Variants in IQUB observed in about 807,000 individuals in gnomAD.
IQUB encodes the protein IQ motif and ubiquitin domain containing.
Under a neutral mutation model 86.4 loss-of-function variants are expected in IQUB, and 86 were observed. That is an observed-to-expected ratio of 1.00 (90% CI 0.84 to 1.19). The LOEUF (loss-of-function observed/expected upper bound fraction) is 1.19. IQUB is among the 50% of genes most tolerant of loss of function. The probability of loss-of-function intolerance (pLI) is 0.00; values close to 1 mark genes in which losing one functional copy is unlikely to be tolerated. For synonymous variants in IQUB, 289 were observed against 304.5 expected (o/e 0.95, Z 0.53); for missense variants, 946 against 916.9 (o/e 1.03, Z -0.41).
At chr7:123,491,118 C>G (rs931856196) in intron 7 of IQUB, among the ~76,000 whole-genome samples, 8 of 151,994 alleles carry the variant, frequency 5.3e-5, no homozygotes, top group African/African-American at 1.2e-4. Context: ...TCTAAGTATC[C>G]CATGGGTCAA....
At chr7:123,455,595 T>C (rs1450155149) in intron 12 of IQUB, among the ~76,000 whole-genome samples, 1 of 152,140 alleles carries the variant, frequency 6.6e-6, no homozygotes, top group Non-Finnish European at 1.5e-5. Context: ...GATACCATTA[T>C]CTCTTTTTTA....
intron 12 of IQUB, chr7:123,457,032 A>G: frequency 3.6e-6 from 1 of 279,616 alleles, no homozygotes; most frequent in Non-Finnish European, 5.4e-6. Context: ...AATACTTATA[A>G]ACTCCATTCT....
At chr7:123,524,642 G>A (rs1051391396) in intron 1 of IQUB, among the ~76,000 whole-genome samples, 1 of 151,272 alleles carries the variant, frequency 6.6e-6, no homozygotes, top group Non-Finnish European at 1.5e-5. Flanking sequence ...CATGTCGTCT[G>A]CAAACAGGGA....
chr7:123,500,578 G>A (rs529182870), intron 6 of IQUB, among the ~76,000 whole-genome samples: 20 of 152,056 alleles, frequency 1.3e-4, no homozygotes, highest in Admixed American at 1.2e-3. Context: ...CATGACCCAA[G>A]TAGAAAGGAA....
chr7:123,472,052 A>C (rs1034131974), intron 8 of IQUB, among the ~76,000 whole-genome samples: 1 of 152,102 alleles, frequency 6.6e-6, no homozygotes. Context: ...AGCCTGGCCA[A>C]CACGGTGATA....
intron 9 of IQUB, among the ~76,000 whole-genome samples, chr7:123,468,489 T>C (rs980949310): frequency 2.6e-5 from 4 of 152,126 alleles, no homozygotes; most frequent in Non-Finnish European, 4.4e-5. Context: ...TGCTCTCTAT[T>C]AAAGAAAGTT....
intron 9 of IQUB, among the ~76,000 whole-genome samples, chr7:123,465,788 G>C (rs1394901919): frequency 6.6e-6 from 1 of 151,974 alleles, no homozygotes; most frequent in Admixed American, 6.6e-5. Flanking sequence ...TGACCTGGAG[G>C]CACTTTAGAA....
chr7:123,469,536 T>A (rs1794433645), intron 8 of IQUB, 152 bp from the exon 9 acceptor site: 1 of 456,662 alleles, frequency 2.2e-6, no homozygotes, highest in East Asian at 3.4e-5. Context: ...AATTTGCAGA[T>A]CAGGCAAAAG....
At chr7:123,480,045 T>A (rs1304034015) in intron 7 of IQUB, 75 bp from the exon 8 acceptor site, 1 of 1,114,432 alleles carries the variant, frequency 9.0e-7, no homozygotes. Context: ...ATGAGGAGTA[T>A]TTTATTTTTA....
chr7:123,453,509 C>G (rs1793547565), intron 12 of IQUB, among the ~76,000 whole-genome samples: 1 of 151,434 alleles, frequency 6.6e-6, no homozygotes, highest in African/African-American at 2.4e-5. Context: ...ACTCACCTAT[C>G]AAGCACCTCT....
intron 1 of IQUB, among the ~76,000 whole-genome samples, chr7:123,525,356 T>C (rs1162192113): frequency 6.6e-6 from 1 of 152,166 alleles, no homozygotes; most frequent in Non-Finnish European, 1.5e-5. Flanking sequence ...TGGTAAGCTA[T>C]TGATTATTGC....
Position 123,469,430 on chromosome 7 carries a change from A to G in IQUB, c.1411-46T>C, listed in dbSNP as rs781052393. On this transcript the variant is annotated intron_variant, in intron 8 of 12. Transcript: ENST00000324698. ...TATAATTATCAGTTAATTAGAAACTACGTATAACAATTTTGCTCCTTCTAC... is the reference window on the plus strand; with the variant it reads ...TATAATTATCAGTTAATTAGAAACTGCGTATAACAATTTTGCTCCTTCTAC... The G allele has an allele frequency of 3.4e-6, 4 of 1,167,094 alleles. No homozygotes were observed. The Admixed American group carries it at 8.0e-5, about 23-fold the overall frequency. 72.3% of individuals were successfully genotyped at this position (1,167,094 alleles called of 1,614,324 possible).
At position 123,527,690 on chromosome 7, in the gene IQUB, G is replaced by A. The variant is rs59487351; in HGVS notation, c.-5+6802C>T. 9.1e-3 allele frequency among the ~76,000 whole-genome samples: 1,386 copies of A among 152,206 alleles called. 20 individuals are homozygous for A. The highest frequency in any genetic ancestry group is 0.032 in the African/African-American group (1,322 of 41,536). ...TGCCCGTTCTCAGATCTCCAGCTGC[G>A]TGCTGGGAGAACCACTGCTCTCTTC... On this transcript the variant is annotated intron_variant, in intron 1 of 12. Coordinates refer to ENST00000324698, the MANE Select transcript of IQUB (RefSeq NM_178827.5).
At chr7:123,513,914 GT>G (rs1796537315) in intron 1 of IQUB, among the ~76,000 whole-genome samples, 1 of 152,152 alleles carries the variant, frequency 6.6e-6, no homozygotes, top group African/African-American at 2.4e-5. Context: ...CTCCCAAAGT[GT>G]TGGGATTACA....
rs145131433 is a variant in IQUB at position 123,461,602 on chromosome 7, G to C, written c.1762C>G (p.Pro588Ala). Residue 588 changes from proline (P) to alanine (A), a missense_variant, in exon 11 of 13, where the codon CCT becomes GCT. Coordinates refer to ENST00000324698, the MANE Select transcript of IQUB (RefSeq NM_178827.5). ...TTATAAAATTTCAATGGGTCTTGAG[G>C]GACCTAAATAAATAGTAAAAAAAGA... The part of the protein sequence containing the change: ...NPEVAKYLKV[P>A]QDPLKFYKKI... The C allele has an allele frequency of 1.5e-5, 24 of 1,588,308 alleles. No individual in the cohort carries two copies. Among genetic ancestry groups the C allele is most frequent in the Non-Finnish European group, 2.1e-5 (24 of 1,169,472 alleles).
intron 1 of IQUB, among the ~76,000 whole-genome samples, chr7:123,517,570 A>G (rs973847567): frequency 1.5e-4 from 22 of 148,842 alleles, no homozygotes; most frequent in Admixed American, 1.1e-3. Context: ...AAGAGACCCT[A>G]TATCTTTTAA....
At chr7:123,523,166 A>C (rs1224277492) in intron 1 of IQUB, among the ~76,000 whole-genome samples, 1 of 151,932 alleles carries the variant, frequency 6.6e-6, no homozygotes, top group African/African-American at 2.4e-5. Flanking sequence ...ATAAACATAC[A>C]TGTGCATGTA....
intron 1 of IQUB, among the ~76,000 whole-genome samples, chr7:123,534,169 G>A (rs1458379172): frequency 1.3e-5 from 2 of 152,174 alleles, no homozygotes; most frequent in African/African-American, 2.4e-5. Flanking sequence ...CTAGTGCCAG[G>A]TGTGGGTTAT....
chr7:123,477,684 T>G (rs1233642761), intron 8 of IQUB, among the ~76,000 whole-genome samples: 1 of 152,100 alleles, frequency 6.6e-6, no homozygotes, highest in Non-Finnish European at 1.5e-5. Flanking sequence ...ATTTTTGCAA[T>G]CTACCCATCT....
Sources: allele counts gnomAD v4.1 joint callset (sites outside exome capture counted in the v4.1 genomes callset), GRCh38; gene constraint gnomAD v4.1.1; transcripts MANE v1.5; gene names NCBI Gene and HGNC (gene_info 2026-07-23, HGNC 2026-07-21).